The following USH2A variants were observed in gnomAD, a reference collection of about 807,000 sequenced individuals.
USH2A encodes the protein Usher syndrome 2A (autosomal recessive, mild).
In USH2A, 443 loss-of-function variants were observed where a neutral mutation model predicts 538.9. The observed-to-expected ratio is 0.82, with a 90% confidence interval of 0.76 to 0.89. USH2A has a LOEUF of 0.89. Among genes scored for constraint, USH2A ranks in the 40% least tolerant of loss-of-function variants. The probability of loss-of-function intolerance (pLI) is 0.00; values close to 1 mark genes in which losing one functional copy is unlikely to be tolerated. For synonymous variants in USH2A, 2,413 were observed against 2,273.5 expected, an observed-to-expected ratio of 1.06 and a Z score of -1.75; for missense variants, 6,633 against 6,324.8, an observed-to-expected ratio of 1.05 and a Z score of -1.65.
intron 12 of USH2A, among the ~76,000 whole-genome samples, chr1:216,247,597 G>A (rs527277096): frequency 6.6e-6 from 1 of 152,208 alleles, no homozygotes; most frequent in Non-Finnish European, 1.5e-5. Flanking sequence ...CAAATTAGTT[G>A]TTTTTCTAAA....
At chr1:216,355,957 A>G (rs765150754) in intron 4 of USH2A, among the ~76,000 whole-genome samples, 12 of 149,034 alleles carry the variant, frequency 8.1e-5, no homozygotes, top group Non-Finnish European at 1.6e-4. Context: ...TGAATCAAAC[A>G]TGTGTTATTT....
chr1:216,269,249 G>T lies in USH2A; in HGVS notation c.1972-18151C>A, dbSNP rs139886853. On this transcript the variant is annotated intron_variant, in intron 11 of 71. Transcript: ENST00000307340. ...CATGGGAGCAGGTCTTTCTTGTGCT[G>T]TTCTCATGATAGTGAATAAATCTCA... 3.6e-3 allele frequency among the ~76,000 whole-genome samples: 553 copies of T among 152,100 alleles called. 5 individuals carry two copies. The highest frequency in any genetic ancestry group is 0.013 in the African/African-American group (521 of 41,510).
At position 216,175,386 on chromosome 1, in the gene USH2A, G is replaced by A. The variant is rs754213215; in HGVS notation, c.4493C>T (p.Pro1498Leu). 3 of 1,613,764 alleles carry A rather than the reference G, an allele frequency of 1.9e-6. No individual in the cohort carries two copies. The East Asian group carries it at 6.7e-5, about 36-fold the overall frequency. ...FPPEELNGPS[P>L]IYQLERRESS... ...CTCTCTCCTTTCCAGCTGATATATA[G>A]GAGAGGGTCCATTCAGTTCTTCAGG... Residue 1498 changes from proline (P) to leucine (L), a missense_variant, in exon 21 of 72, where the codon CCT becomes CTT. By Grantham distance (98) the Pro-to-Leu change is moderately conservative (BLOSUM62 -3). Transcript: ENST00000307340.
chr1:216,001,930 T>A (rs1668273453), intron 32 of USH2A, among the ~76,000 whole-genome samples: 1 of 152,168 alleles, frequency 6.6e-6, no homozygotes, highest in African/African-American at 2.4e-5. Flanking sequence ...TAAACCTTGT[T>A]TTCTTTACAA....
intron 4 of USH2A, among the ~76,000 whole-genome samples, chr1:216,346,323 C>T (rs563017764): frequency 2.8e-4 from 43 of 152,176 alleles, no homozygotes; most frequent in South Asian, 1.0e-3. Context: ...CCACAGACCC[C>T]ATTTTGAGAA....
chr1:216,235,537 A>G (rs1299424992), intron 13 of USH2A, among the ~76,000 whole-genome samples: 1 of 152,212 alleles, frequency 6.6e-6, no homozygotes, highest in Non-Finnish European at 1.5e-5. Context: ...ACAAAGAGTC[A>G]CCCATATTGT....
intron 21 of USH2A, among the ~76,000 whole-genome samples, chr1:216,151,323 C>T (rs1306145834): frequency 4.6e-5 from 7 of 152,102 alleles, no homozygotes; most frequent in Non-Finnish European, 1.5e-5. Context: ...TCTGTGGATC[C>T]TCTACCTACA....
chr1:216,141,083 T>C (rs1227325323), intron 21 of USH2A, among the ~76,000 whole-genome samples: 1 of 152,186 alleles, frequency 6.6e-6, no homozygotes, highest in Non-Finnish European at 1.5e-5. Context: ...AAATTACAGT[T>C]TTCATTCTCC....
chr1:216,355,316 A>AAAGAAAGAAAGAAAGAAAGG (rs1440364520), intron 4 of USH2A, among the ~76,000 whole-genome samples: 17 of 40,156 alleles, frequency 4.2e-4, no homozygotes, highest in African/African-American at 9.1e-4. Flanking sequence ...AAAAAGAAAG[A>AAAGAAAGAAAGAAAGAAAGG]AAGAAAGAAA....
At chr1:215,864,284 A>C (rs1664411260) in intron 44 of USH2A, among the ~76,000 whole-genome samples, 1 of 152,210 alleles carries the variant, frequency 6.6e-6, no homozygotes, top group South Asian at 2.1e-4. Context: ...TTGGTAAGTT[A>C]CTATGGGCTG....
At chr1:216,050,560 T>TTCC (rs1553294760) in intron 30 of USH2A, among the ~76,000 whole-genome samples, 3 of 35,694 alleles carry the variant, frequency 8.4e-5, no homozygotes, top group African/African-American at 2.2e-4. Flanking sequence ...ATTTGTATCT[T>TTCC]TTTCTTTCTT....
chr1:215,831,877 G>T (rs535415010), intron 47 of USH2A, among the ~76,000 whole-genome samples: 1 of 151,892 alleles, frequency 6.6e-6, no homozygotes, highest in South Asian at 2.1e-4. Context: ...AGCCAAAAAT[G>T]GTTCTTTGAA....
intron 44 of USH2A, among the ~76,000 whole-genome samples, chr1:215,846,722 A>G (rs973877769): frequency 2.6e-5 from 4 of 152,246 alleles, no homozygotes; most frequent in African/African-American, 4.8e-5. Context: ...TATACAGTAC[A>G]TAGAACAACT....
rs776972526 is a variant in USH2A, at chr1:215,970,767, G to A, written c.6815C>T (p.Thr2272Met). The change falls in exon 36 of 72, where the codon ACG becomes ATG. Residue 2272 changes from threonine to methionine, a missense_variant. Transcript: ENST00000307340. ...TEPEYPNGVI[T>M]SYGLYLDGIL... ...ACCATCTAGATATAATCCATAACTC[G>A]TGATAACACCTGGGAAGATAATAAT... 5.0e-6 allele frequency: 8 copies of A among 1,613,208 alleles called. No individual in the cohort carries two copies. Among genetic ancestry groups the A allele is most frequent in the East Asian group, 4.5e-5 (2 of 44,862 alleles).
intron 58 of USH2A, among the ~76,000 whole-genome samples, chr1:215,751,413 T>C (rs1194814701): frequency 1.3e-5 from 2 of 152,088 alleles, no homozygotes; most frequent in South Asian, 2.1e-4. Context: ...AGAAAAAGTA[T>C]GTGTTAAATG....
At chr1:216,286,746 A>AATAT (rs1471764802) in intron 11 of USH2A, among the ~76,000 whole-genome samples, 1 of 151,880 alleles carries the variant, frequency 6.6e-6, no homozygotes, top group Non-Finnish European at 1.5e-5. Flanking sequence ...TAAATAAATA[A>AATAT]ATAAAAACCT....
In USH2A at chr1:216,348,725, A is replaced by G. The variant is rs369856115; in HGVS notation, c.784+16228T>C. On this transcript the variant is annotated intron_variant, in intron 4 of 71. Coordinates refer to ENST00000307340, the MANE Select transcript of USH2A (RefSeq NM_206933.4). ...TTAGTAAAAATGAGAGACTGAAAAG[A>G]AAAAGAATTGCTTCAAAAACTATGG... Among the ~76,000 whole-genome samples the G allele has an allele frequency of 9.2e-5, 14 of 152,300 alleles. 1 individual carries two copies. The highest frequency in any genetic ancestry group is 3.9e-4 in the Admixed American group (6 of 15,282).
At chr1:215,715,551 G>A (rs1476636468) in intron 61 of USH2A, among the ~76,000 whole-genome samples, 2 of 152,138 alleles carry the variant, frequency 1.3e-5, no homozygotes, top group Admixed American at 6.5e-5. Context: ...TAGATGGACA[G>A]GTCTTTTCTC....
chr1:216,349,402 G>A (rs2038235419), intron 4 of USH2A, among the ~76,000 whole-genome samples: 1 of 152,104 alleles, frequency 6.6e-6, no homozygotes, highest in South Asian at 2.1e-4. Flanking sequence ...TAAGGCTGAG[G>A]CCTACTGGGC....
Sources: allele counts gnomAD v4.1 joint callset (sites outside exome capture counted in the v4.1 genomes callset), GRCh38; gene constraint gnomAD v4.1.1; transcripts MANE v1.5; gene names NCBI Gene and HGNC (gene_info 2026-07-23, HGNC 2026-07-21).